FAM120C: variants seen among roughly 807,000 people sequenced by gnomAD.
The protein encoded by FAM120C is family with sequence similarity 120 member C.
In FAM120C, 14 loss-of-function variants were observed where a neutral mutation model predicts 71.2. That is an observed-to-expected ratio of 0.20 (90% CI 0.13 to 0.31). FAM120C has a LOEUF of 0.31. Among genes scored for constraint, FAM120C ranks in the 10% least tolerant of loss-of-function variants. FAM120C has a pLI of 1.00. For missense variants in FAM120C, 500 were observed against 879.0 expected (o/e 0.57, Z 5.45); for synonymous variants, 354 against 353.2 (o/e 1.00, Z -0.03).
intron 15 of FAM120C, among the ~76,000 whole-genome samples, chrX:54,074,553 G>A (rs1557120409): frequency 1.8e-5 from 2 of 112,330 alleles, no homozygotes; most frequent in Non-Finnish European, 3.8e-5. Context: ...CGAGTAGCTG[G>A]GATTACAGGC....
At chrX:54,086,881 T>C (rs1330403363) in intron 12 of FAM120C, among the ~76,000 whole-genome samples, 1 of 110,059 alleles carries the variant, frequency 9.1e-6, no homozygotes, top group Non-Finnish European at 1.9e-5. Context: ...AAACAGATGG[T>C]TTGTAGCACT....
intron 10 of FAM120C, among the ~76,000 whole-genome samples, chrX:54,101,828 G>A (rs1379332656): frequency 9.0e-6 from 1 of 111,330 alleles, no homozygotes; most frequent in Non-Finnish European, 1.9e-5. Flanking sequence ...TCAGCATTCT[G>A]GTTGTAACCA....
At chrX:54,106,058 A>C (rs1414036314) in intron 10 of FAM120C, among the ~76,000 whole-genome samples, 3 of 111,928 alleles carry the variant, frequency 2.7e-5, no homozygotes, top group Non-Finnish European at 5.6e-5. Context: ...GAAAAAAACT[A>C]CTTTAAATTT....
At chrX:54,129,428 C>T (rs1363967430) in intron 9 of FAM120C, among the ~76,000 whole-genome samples, 10 of 108,260 alleles carry the variant, frequency 9.2e-5, no homozygotes, top group East Asian at 6.0e-4. Flanking sequence ...GATGGGCGGC[C>T]GGGCAGAGAA....
intron 4 of FAM120C, among the ~76,000 whole-genome samples, chrX:54,147,993 G>A (rs1187035505): frequency 4.5e-5 from 5 of 111,312 alleles, no homozygotes; most frequent in Non-Finnish European, 9.4e-5. Flanking sequence ...CACCACGTCC[G>A]GCCAATGTTC....
chrX:54,157,463 C>T (rs1163796836), intron 3 of FAM120C, among the ~76,000 whole-genome samples: 1 of 111,440 alleles, frequency 9.0e-6, no homozygotes, highest in Non-Finnish European at 1.9e-5. Flanking sequence ...CCATGTTGGC[C>T]AGGCTGGTCT....
chrX:54,129,274 G>A (rs1231367076), intron 9 of FAM120C, among the ~76,000 whole-genome samples: 2 of 107,128 alleles, frequency 1.9e-5, no homozygotes, highest in African/African-American at 6.8e-5. Context: ...CGGGGCGGCT[G>A]CCGGGCGGAG....
intron 15 of FAM120C, among the ~76,000 whole-genome samples, chrX:54,075,409 A>C (rs2066729799): frequency 8.9e-6 from 1 of 112,059 alleles, no homozygotes; most frequent in African/African-American, 3.2e-5. Flanking sequence ...CCTGGAAATA[A>C]CATGAAACAA....
At chrX:54,135,665 C>T (rs1404245666) in intron 5 of FAM120C, 61 bp from the exon 6 acceptor site, 2 of 919,573 alleles carry the variant, frequency 2.2e-6, no homozygotes, top group Non-Finnish European at 3.1e-6. Context: ...ATGTTATATT[C>T]TGCTCACCCC....
chrX:54,107,003 C>T (rs1557124936), intron 10 of FAM120C, among the ~76,000 whole-genome samples: 1 of 111,330 alleles, frequency 9.0e-6, no homozygotes, highest in East Asian at 2.8e-4. Context: ...GATTCATAAG[C>T]TATTTTTAAT....
chrX:54,172,591 G>T (rs1369338047), intron 1 of FAM120C, among the ~76,000 whole-genome samples: 1 of 111,853 alleles, frequency 8.9e-6, no homozygotes, highest in Non-Finnish European at 1.9e-5. Context: ...CAAAATCCAG[G>T]TATTTCCAGA....
chrX:54,148,790 T>C (rs1311145117), intron 4 of FAM120C, among the ~76,000 whole-genome samples: 3 of 112,043 alleles, frequency 2.7e-5, no homozygotes, highest in African/African-American at 9.7e-5. Context: ...CAACGTATTA[T>C]ATTTTTGGAA....
At chrX:54,129,241 G>A (rs1370824868) in intron 9 of FAM120C, among the ~76,000 whole-genome samples, 11 of 104,746 alleles carry the variant, frequency 1.1e-4, no homozygotes, top group African/African-American at 2.4e-4. Context: ...GCTGCCGGGC[G>A]GAGGGGCTCC....
intron 3 of FAM120C, among the ~76,000 whole-genome samples, chrX:54,156,294 G>A (rs918336657): frequency 9.4e-6 from 1 of 106,121 alleles, no homozygotes; most frequent in South Asian, 4.4e-4. Flanking sequence ...AAGTGTATGC[G>A]GGTATCAGTC....
chrX:54,105,360 C>A (rs781914790), intron 10 of FAM120C, among the ~76,000 whole-genome samples: 1 of 111,484 alleles, frequency 9.0e-6, no homozygotes, highest in South Asian at 3.8e-4. Flanking sequence ...ATTCAACAGC[C>A]CTTCATGCTA....
rs1251605222 is a variant in FAM120C, at chrX:54,072,533, G to A, written c.*500C>T. On this transcript the variant is annotated 3_prime_UTR_variant, in exon 16 of 16. Transcript: ENST00000375180. ...AATCCAGGGGTAGGTAAGTTGGAAG[G>A]AGTGAAGAAGAGGTAGATACCACTT... 9.4e-6 allele frequency: 1 copy of A among 106,439 alleles called. No individual in the cohort carries two copies. Among genetic ancestry groups the A allele is most frequent in the Non-Finnish European group, 1.9e-5 (1 of 51,921 alleles). The allele number at this position is 106,439 out of a possible 1,213,427, so 8.8% of individuals were successfully genotyped here. A position where few individuals can be genotyped will look rare whatever the true frequency, so the allele number is the denominator to read the frequency against.
At chrX:54,133,486 C>A (rs1462467288) in intron 8 of FAM120C, among the ~76,000 whole-genome samples, 3 of 111,785 alleles carry the variant, frequency 2.7e-5, no homozygotes, top group Admixed American at 1.9e-4. Context: ...GGGCATAAAG[C>A]CTCTTAGACT....
At chrX:54,107,746 C>G (rs868986955) in intron 10 of FAM120C, among the ~76,000 whole-genome samples, 1 of 102,685 alleles carries the variant, frequency 9.7e-6, no homozygotes, top group South Asian at 4.8e-4. Context: ...GTCTTGAACT[C>G]CTTGACCTAA....
At chrX:54,081,697 C>T (rs2066766144) in intron 13 of FAM120C, among the ~76,000 whole-genome samples, 1 of 106,631 alleles carries the variant, frequency 9.4e-6, no homozygotes, top group South Asian at 4.3e-4. Flanking sequence ...TCACTTGAAC[C>T]CAGGAGGTGG....
Sources: gnomAD v4.1 joint callset for allele counts (sites outside exome capture counted in the v4.1 genomes callset) on GRCh38, gnomAD v4.1.1 for gene constraint, MANE v1.5 for transcripts, NCBI Gene and HGNC (gene_info 2026-07-23, HGNC 2026-07-21) for gene names.